The following CACNA1S variants were observed in gnomAD, a reference collection of about 807,000 sequenced individuals.
CACNA1S encodes voltage-dependent L-type calcium channel subunit alpha-1S.
Under a neutral mutation model 207.4 loss-of-function variants are expected in CACNA1S, and 126 were observed. That is an observed-to-expected ratio of 0.61 (90% CI 0.53 to 0.70). The LOEUF (loss-of-function observed/expected upper bound fraction) is 0.70. Ranked by LOEUF, CACNA1S falls within the 30% of genes least tolerant of loss-of-function variation. The pLI, the probability that CACNA1S is intolerant of heterozygous loss-of-function variation, is 0.00. For synonymous variants in CACNA1S, 960 were observed against 932.7 expected (o/e 1.03, Z -0.53); for missense variants, 2,349 against 2,422.8 (o/e 0.97, Z 0.64).
chr1:201,092,114 C>T lies in CACNA1S; in HGVS notation c.399G>A (p.Gly133=), dbSNP rs778173315. The stretch of plus-strand genomic sequence containing the variant: ...CCTGTTCCAGAATCACGGTGAAGAC[C>T]CTAGAATGGAGAAGAGGGAGAGAGG... ...NVLDFTIVFL[G]VFTVILEQVN... is the part of the protein sequence containing the mutation. The change falls in exon 4 of 44, where the codon GGG becomes GGA. Residue 133 remains glycine, a splice_region_variant and synonymous_variant. Transcript: ENST00000362061. 2.5e-6 allele frequency: 4 copies of T among 1,613,926 alleles called. No homozygotes were observed. The East Asian group carries it at 6.7e-5, about 27-fold the overall frequency.
chr1:201,040,321 C>G lies in CACNA1S; in HGVS notation c.5280G>C (p.Gly1760=). Residue 1760 remains glycine (G), a synonymous_variant, in exon 43 of 44, where the codon GGG becomes GGC. Transcript: ENST00000362061. ...MPEDRKSSTP[G]SLHEETPHSR... The stretch of plus-strand genomic sequence containing the variant: ...TGTGGGGTGTCTCCTCATGAAGAGA[C>G]CCTGGTGTGGAGCTCTTTCTGTCCT... The G allele has an allele frequency of 6.2e-7, 1 of 1,613,802 alleles. No homozygotes were observed. The highest frequency in any genetic ancestry group is 1.3e-5 in the African/African-American group (1 of 75,028).
In CACNA1S at chr1:201,039,890, G is replaced by C. The variant is rs1660060163; in HGVS notation, c.5563C>G (p.Leu1855Val). The C allele has an allele frequency of 6.2e-7, 1 of 1,612,798 alleles. No homozygotes were observed. Among genetic ancestry groups the C allele is most frequent in the Non-Finnish European group, 8.5e-7 (1 of 1,180,034 alleles). The change falls in exon 44 of 44, where the codon CTG becomes GTG. Residue 1855 changes from leucine to valine, a missense_variant. Coordinates refer to ENST00000362061, the MANE Select transcript of CACNA1S (RefSeq NM_000069.3). ...CCCTGGTGTTGGTCGAGGCTGCCCAGGGAGGACCCGAGGTTCAGGCATCCC... is the reference window on the plus strand; with the variant it reads ...CCCTGGTGTTGGTCGAGGCTGCCCACGGAGGACCCGAGGTTCAGGCATCCC... ...SLGCLNLGSS[L>V]GSLDQHQGSQ...
rs146696298 is a variant in CACNA1S at position 201,083,170 on chromosome 1, C to T, written c.1385G>A (p.Arg462His). The T allele has an allele frequency of 1.2e-4, 191 of 1,614,100 alleles. 1 individual carries two copies. Among genetic ancestry groups the T allele is most frequent in the South Asian group, 2.2e-4 (20 of 91,078 alleles). Residue 462 changes from arginine to histidine, a missense_variant, in exon 10 of 44, where the codon CGT (arginine) becomes CAT (histidine). By Grantham distance (29) the Arg-to-His change is conservative (BLOSUM62 0). Coordinates refer to ENST00000362061, the MANE Select transcript of CACNA1S (RefSeq NM_000069.3). ...ACTCCGTTCCGCCTCACCTTGCAAA[C>T]GGGTCAGCCAGAGAGGCTGGTTGTG... is the stretch of plus-strand genomic sequence containing the variant. ...EHHNQPLWLTRLQDIANRVLL... is the reference protein window; with the variant it reads ...EHHNQPLWLTHLQDIANRVLL...
At chr1:201,086,540 C>T (rs1249576248) in intron 7 of CACNA1S, among the ~76,000 whole-genome samples, 3 of 152,188 alleles carry the variant, frequency 2.0e-5, no homozygotes, top group East Asian at 1.9e-4. Context: ...AGCGTGTTAC[C>T]ATACTGCATA....
intron 2 of CACNA1S, among the ~76,000 whole-genome samples, chr1:201,102,569 A>G (rs1348556717): frequency 6.6e-6 from 1 of 152,090 alleles, no homozygotes; most frequent in South Asian, 2.1e-4. Context: ...AGTCATACCC[A>G]TACCCAACAC....
At position 201,076,500 on chromosome 1, in the gene CACNA1S, C is replaced by T. The variant is rs983245554; in HGVS notation, c.1827+420G>A. ...GTGGCTGATAGTGAATCGGCTGTGC[C>T]GCCCCTGCAGAGTGAGAAATGGTTT... On this transcript the variant is annotated intron_variant, in intron 12 of 43. Transcript: ENST00000362061. 2.6e-5 allele frequency among the ~76,000 whole-genome samples: 4 copies of T among 152,234 alleles called. No individual in the cohort carries two copies. The South Asian group carries it at 6.2e-4, about 24-fold the overall frequency.
At chr1:201,051,770 ATAACTG>A (rs2102559471) in intron 32 of CACNA1S, among the ~76,000 whole-genome samples, 1 of 152,290 alleles carries the variant, frequency 6.6e-6, no homozygotes, top group East Asian at 1.9e-4. Flanking sequence ...TTTGTGTCTA[ATAACTG>A]TCTCATTTCA....
At chr1:201,056,870 G>A (rs1458793933) in intron 28 of CACNA1S, among the ~76,000 whole-genome samples, 2 of 152,036 alleles carry the variant, frequency 1.3e-5, no homozygotes, top group Non-Finnish European at 2.9e-5. Context: ...CATCCCCTTG[G>A]TCCAGATTCT....
intron 23 of CACNA1S, 120 bp from the exon 24 acceptor site, chr1:201,062,210 A>G: frequency 7.7e-7 from 1 of 1,301,758 alleles, no homozygotes; most frequent in Admixed American, 2.0e-5. Context: ...TCTGGGACCC[A>G]AGGGGACACC....
At chr1:201,105,258 G>T (rs1662834956) in intron 2 of CACNA1S, among the ~76,000 whole-genome samples, 2 of 152,292 alleles carry the variant, frequency 1.3e-5, no homozygotes, top group Admixed American at 1.3e-4. Flanking sequence ...CAACCTGGGG[G>T]TCTCTGTGAC....
At chr1:201,049,167 G>A (rs1660571446) in intron 34 of CACNA1S, 68 bp from the exon 35 acceptor site, 4 of 1,112,852 alleles carry the variant, frequency 3.6e-6, no homozygotes, top group South Asian at 1.3e-5. Flanking sequence ...TCTGCTCAGA[G>A]GATGGGCAAT....
At chr1:201,089,128 G>T in intron 6 of CACNA1S, 130 bp downstream of exon 6, 1 of 820,350 alleles carries the variant, frequency 1.2e-6, no homozygotes, top group Non-Finnish European at 2.1e-6. Flanking sequence ...CCAGGGAGGA[G>T]CAAGAGGGAG....
At chr1:201,093,707 T>C (rs947907478) in intron 3 of CACNA1S, among the ~76,000 whole-genome samples, 175 bp downstream of exon 3, 1 of 152,164 alleles carries the variant, frequency 6.6e-6, no homozygotes, top group African/African-American at 2.4e-5. Context: ...TGATCCACTC[T>C]CCACCAACAT....
chr1:201,056,070 G>GACAC (rs58170287), intron 28 of CACNA1S, among the ~76,000 whole-genome samples: 15,852 of 94,698 alleles, frequency 0.17, 934 homozygotes, highest in Non-Finnish European at 0.24. Flanking sequence ...CAGACAGACA[G>GACAC]ACACACACAC....
intron 2 of CACNA1S, among the ~76,000 whole-genome samples, chr1:201,098,893 C>A (rs1265741660): frequency 6.6e-6 from 1 of 152,246 alleles, no homozygotes; most frequent in African/African-American, 2.4e-5. Context: ...AGACAAGCCT[C>A]TAACTGGTGC....
At position 201,080,193 on chromosome 1, in the gene CACNA1S, G is replaced by A. The variant is rs138517074; in HGVS notation, c.1394-2089C>T. On this transcript the variant is annotated intron_variant, in intron 10 of 43. Coordinates refer to ENST00000362061, the MANE Select transcript of CACNA1S (RefSeq NM_000069.3). The stretch of plus-strand genomic sequence containing the variant: ...TGCTGAGTTCCAGACCTATTTTTCT[G>A]TCTGCTACCTTGACATATCCATTGG... Among the ~76,000 whole-genome samples the A allele has an allele frequency of 6.3e-3, 951 of 152,146 alleles. 9 individuals are homozygous for A. The highest frequency in any genetic ancestry group is 0.022 in the African/African-American group (892 of 41,480).
At chr1:201,060,202 T>C (rs1660992407) in intron 26 of CACNA1S, among the ~76,000 whole-genome samples, 1 of 152,220 alleles carries the variant, frequency 6.6e-6, no homozygotes, top group Non-Finnish European at 1.5e-5. Flanking sequence ...AGATGCTTAA[T>C]CGAGGCTTGA....
At position 201,062,067 on chromosome 1, in the gene CACNA1S, T is replaced by A. The variant is rs1308029004; in HGVS notation, c.2930A>T (p.Asp977Val). The stretch of plus-strand genomic sequence containing the variant: ...CAGCTCTATCTGCATGGGGTCCCCG[T>A]CCTTGTACACGTAGTAGTAGCCCCT... ...ECRGYYYVYK[D>V]GDPMQIELRH... Residue 977 changes from aspartate (D) to valine (V), a missense_variant, in exon 24 of 44, where the codon GAC (aspartate) becomes GTC (valine). Coordinates refer to ENST00000362061, the MANE Select transcript of CACNA1S (RefSeq NM_000069.3). 1 of 1,613,892 alleles carries A rather than the reference T, an allele frequency of 6.2e-7. No individual in the cohort carries two copies. The highest frequency in any genetic ancestry group is 1.7e-5 in the Admixed American group (1 of 59,986).
At chr1:201,051,619 C>T (rs1004784998) in intron 32 of CACNA1S, among the ~76,000 whole-genome samples, 14 of 152,182 alleles carry the variant, frequency 9.2e-5, no homozygotes, top group East Asian at 7.7e-4. Context: ...TCAATGCATC[C>T]GAGGTGCATA....
Sources: gnomAD v4.1 joint callset for allele counts (sites outside exome capture counted in the v4.1 genomes callset) on GRCh38, gnomAD v4.1.1 for gene constraint, MANE v1.5 for transcripts, NCBI Gene and HGNC (gene_info 2026-07-23, HGNC 2026-07-21) for gene names.